RFC1: variants seen among roughly 807,000 people sequenced by gnomAD.
RFC1 encodes the protein A1 140 kDa subunit.
Under a neutral mutation model 137.4 loss-of-function variants are expected in RFC1, and 37 were observed. The observed-to-expected ratio is 0.27, with a 90% confidence interval of 0.21 to 0.35. The LOEUF (loss-of-function observed/expected upper bound fraction) is 0.35, where lower values mean the gene tolerates loss of function less well. Among genes scored for constraint, RFC1 ranks in the 10% least tolerant of loss-of-function variants. The probability of loss-of-function intolerance (pLI) is 1.00; values close to 1 mark genes in which losing one functional copy is unlikely to be tolerated. For synonymous variants in RFC1, 429 were observed against 455.7 expected (o/e 0.94, Z 0.75); for missense variants, 1,205 against 1,358.5 (o/e 0.89, Z 1.78).
chr4:39,351,284 A>C lies in RFC1; in HGVS notation c.132+64T>G, dbSNP rs11938194. ...AAAAAAAAAAAAAAAAAAAAAAAAA[A>C]ACTTATAAGAACTGAGTTTATTTTA... On this transcript the variant is annotated intron_variant, in intron 2 of 24. Transcript: ENST00000349703. 2.3e-3 allele frequency: 1,060 copies of C among 470,778 alleles called. 16 individuals carry two copies. Among genetic ancestry groups the C allele is most frequent in the African/African-American group, 0.021 (872 of 41,732 alleles). 29.2% of individuals were successfully genotyped at this position (470,778 alleles called of 1,614,324 possible).
intron 3 of RFC1, 70 bp downstream of exon 3, chr4:39,345,331 G>T: frequency 7.4e-7 from 1 of 1,360,040 alleles, no homozygotes; most frequent in Non-Finnish European, 1.0e-6. Context: ...TTAGAACATA[G>T]TTTAAAGCAC....
At chr4:39,363,500 C>A (rs112418493) in intron 1 of RFC1, among the ~76,000 whole-genome samples, 1 of 152,142 alleles carries the variant, frequency 6.6e-6, no homozygotes, top group Non-Finnish European at 1.5e-5. Flanking sequence ...TGTGAATACA[C>A]GTACTTTATT....
chr4:39,289,721 G>T, intron 24 of RFC1, 127 bp downstream of exon 24: 1 of 679,694 alleles, frequency 1.5e-6, no homozygotes, highest in South Asian at 2.0e-5. Context: ...CCTCAACCAT[G>T]ATGAACAAAA....
chr4:39,323,449 TG>T, intron 6 of RFC1, 32 bp from the exon 7 acceptor site: 1 of 1,582,360 alleles, frequency 6.3e-7, no homozygotes, highest in Non-Finnish European at 8.7e-7. Flanking sequence ...TGAGTTGAGT[TG>T]CTCTTTTTCT....
intron 1 of RFC1, among the ~76,000 whole-genome samples, chr4:39,360,438 G>A (rs187765524): frequency 1.1e-3 from 171 of 151,980 alleles, no homozygotes; most frequent in African/African-American, 3.6e-3. Context: ...AGGCAGCAGC[G>A]GTTGGCAGTG....
chr4:39,365,026 A>AGTAGGGAAGTAG (rs1741950820), intron 1 of RFC1, among the ~76,000 whole-genome samples: 1 of 152,122 alleles, frequency 6.6e-6, no homozygotes, highest in African/African-American at 2.4e-5. Flanking sequence ...GAAGTAGTAT[A>AGTAGGGAAGTAG]ACATGGTGGT....
intron 4 of RFC1, among the ~76,000 whole-genome samples, chr4:39,329,166 G>A: frequency 1.5e-5 from 1 of 68,660 alleles, no homozygotes; most frequent in Non-Finnish European, 3.1e-5. Context: ...TTTTCGATTT[G>A]GCCTATAAAC....
At chr4:39,360,145 C>T (rs1056296465) in intron 1 of RFC1, among the ~76,000 whole-genome samples, 1 of 151,992 alleles carries the variant, frequency 6.6e-6, no homozygotes, top group African/African-American at 2.4e-5. Flanking sequence ...GTGAGTGGAT[C>T]GTTTCAGGTC....
At chr4:39,332,438 C>T (rs1252823983) in intron 4 of RFC1, among the ~76,000 whole-genome samples, 1 of 152,106 alleles carries the variant, frequency 6.6e-6, no homozygotes, top group Non-Finnish European at 1.5e-5. Flanking sequence ...AACTACATGC[C>T]AAGAACTTTA....
chr4:39,305,506 G>A (rs894720560), intron 14 of RFC1, among the ~76,000 whole-genome samples: 3 of 152,078 alleles, frequency 2.0e-5, no homozygotes, highest in Admixed American at 1.3e-4. Flanking sequence ...TACTCTGGAG[G>A]GTGAGGCATG....
At chr4:39,333,065 C>T (rs183410018) in intron 4 of RFC1, among the ~76,000 whole-genome samples, 1 of 152,270 alleles carries the variant, frequency 6.6e-6, no homozygotes, top group Admixed American at 6.5e-5. Flanking sequence ...AGTGCTGAAC[C>T]AGAAGTCTAG....
Position 39,326,584 on chromosome 4 carries a change from T to C in RFC1, c.621A>G (p.Leu207=), listed in dbSNP as rs1739780151. The stretch of plus-strand genomic sequence containing the variant: ...ATACCTCCGCATCTTCATCAAGCTG[T>C]AATTGCTTGGCGATGGCTTCATCAT... ...GLNDEAIAKQ[L]QLDEDAELER... is the part of the protein sequence containing the mutation. Residue 207 remains leucine (L), a synonymous_variant, in exon 6 of 25, where the codon TTA becomes TTG. Transcript: ENST00000349703. 6.2e-7 allele frequency: 1 copy of C among 1,613,228 alleles called. No individual in the cohort carries two copies. The highest frequency in any genetic ancestry group is 8.5e-7 in the Non-Finnish European group (1 of 1,179,350).
chr4:39,341,748 G>A (rs1278611421), intron 4 of RFC1: 2 of 442,920 alleles, frequency 4.5e-6, no homozygotes, highest in South Asian at 1.6e-5. Context: ...ATATAACTCT[G>A]GGATCCTTAC....
rs1738543275 is a variant in RFC1 at position 39,304,695 on chromosome 4, T to C, written c.2110+119A>G. On this transcript the variant is annotated intron_variant, in intron 15 of 24. Transcript: ENST00000349703. The stretch of plus-strand genomic sequence containing the variant: ...TCAGACGGCTTTCTTATTCTCTTGT[T>C]AGCCCCAGAATTTAGTAGGGTGCTT... The C allele has an allele frequency of 1.7e-5, 12 of 710,466 alleles. No individual in the cohort carries two copies. In the Admixed American group the frequency reaches 2.4e-4, roughly 14 times the overall value. The allele number at this position is 710,466 out of a possible 1,614,324, so 44.0% of individuals were successfully genotyped here. A position where few individuals can be genotyped will look rare whatever the true frequency, so the allele number is the denominator to read the frequency against.
chr4:39,351,002 G>T (rs1232233523), intron 2 of RFC1, among the ~76,000 whole-genome samples: 1 of 151,992 alleles, frequency 6.6e-6, no homozygotes, highest in Non-Finnish European at 1.5e-5. Flanking sequence ...TGTAATCTCA[G>T]CACTTTGGGA....
intron 2 of RFC1, among the ~76,000 whole-genome samples, chr4:39,346,438 T>G (rs1031320080): frequency 1.3e-5 from 2 of 151,038 alleles, no homozygotes; most frequent in African/African-American, 4.9e-5. Flanking sequence ...ATCGCGCCAT[T>G]GCATGCCAGC....
chr4:39,312,440 T>C (rs566496268), intron 11 of RFC1, among the ~76,000 whole-genome samples: 2 of 152,280 alleles, frequency 1.3e-5, no homozygotes, highest in African/African-American at 4.8e-5. Flanking sequence ...GTGTATACAG[T>C]GGCATATATA....
At position 39,308,719 on chromosome 4, in the gene RFC1, T is replaced by C. The variant is rs780401677; in HGVS notation, c.1802A>G (p.Gln601Arg). The C allele has an allele frequency of 6.2e-7, 1 of 1,614,236 alleles. No individual in the cohort carries two copies. The highest frequency in any genetic ancestry group is 8.5e-7 in the Non-Finnish European group (1 of 1,180,034). Reference protein sequence around the residue: ...KPTSLKTIIGQQGDQSCANKL... With the variant: ...KPTSLKTIIGRQGDQSCANKL... The stretch of plus-strand genomic sequence containing the variant: ...GTTGGCACAGCTCTGGTCACCTTGC[T>C]GTCCAATTATGGTCTTGAGCGAGGT... The change falls in exon 13 of 25, where the codon CAG becomes CGG. Residue 601 changes from glutamine to arginine, a missense_variant. Gln to Arg is a conservative substitution (Grantham distance 43). Around this residue, in one of 3 missense-constraint regions of RFC1, gnomAD observed 962 missense variants for 1,035.3 expected, o/e 0.93. Transcript: ENST00000349703.
intron 13 of RFC1, among the ~76,000 whole-genome samples, chr4:39,307,947 T>C (rs762431206): frequency 2.6e-5 from 4 of 152,200 alleles, no homozygotes; most frequent in South Asian, 2.1e-4. Flanking sequence ...TACTAAAACA[T>C]TTGTGATCTC....
Sources: gnomAD v4.1 joint callset for allele counts (sites outside exome capture counted in the v4.1 genomes callset) on GRCh38, gnomAD v4.1.1 for gene constraint, gnomAD v4.1.1 regional missense constraint, MANE v1.5 for transcripts, NCBI Gene and HGNC (gene_info 2026-07-23, HGNC 2026-07-21) for gene names.